TPST1: variants seen among roughly 807,000 people sequenced by gnomAD.
TPST1 encodes tyrosylprotein sulfotransferase 1, also known as protein-tyrosine sulfotransferase 1.
Under a neutral mutation model 34.8 loss-of-function variants are expected in TPST1, and 20 were observed. The observed-to-expected ratio is 0.57, with a 90% CI of 0.40 to 0.84. The LOEUF is 0.84. TPST1 is among the 40% of genes least tolerant of loss of function. The pLI, the probability that TPST1 is intolerant of heterozygous loss-of-function variation, is 0.00. For synonymous variants in TPST1, 152 were observed against 159.4 expected, an observed-to-expected ratio of 0.95 and a Z score of 0.35; for missense variants, 353 against 455.5, an observed-to-expected ratio of 0.78 and a Z score of 2.05.
intron 1 of TPST1, among the ~76,000 whole-genome samples, chr7:66,228,326 CTCTT>C (rs1789706887): frequency 1.3e-5 from 2 of 152,162 alleles, no homozygotes; most frequent in South Asian, 4.1e-4. Context: ...TTTTCTTGCT[CTCTT>C]TCAGCAAATC....
chr7:66,285,101 C>T (rs1791009192), intron 2 of TPST1, among the ~76,000 whole-genome samples: 1 of 152,146 alleles, frequency 6.6e-6, no homozygotes, highest in Non-Finnish European at 1.5e-5. Flanking sequence ...ACATACAAGA[C>T]TCTATGTGTG....
intron 3 of TPST1, among the ~76,000 whole-genome samples, chr7:66,298,585 C>CT (rs1440821499): frequency 6.6e-6 from 1 of 152,202 alleles, no homozygotes; most frequent in Non-Finnish European, 1.5e-5. Context: ...AGTTAATCCA[C>CT]TTACATTTAA....
chr7:66,308,112 A>G (rs986443837), intron 3 of TPST1, among the ~76,000 whole-genome samples: 4 of 152,204 alleles, frequency 2.6e-5, no homozygotes, highest in African/African-American at 9.6e-5. Context: ...AGTCATGTAC[A>G]CTGCTTCGAG....
intron 4 of TPST1, among the ~76,000 whole-genome samples, chr7:66,355,255 C>T (rs1469969541): frequency 1.3e-5 from 2 of 151,282 alleles, no homozygotes; most frequent in African/African-American, 2.4e-5. Flanking sequence ...GGCTGGATCA[C>T]GAGGGCAGGA....
At chr7:66,217,567 T>C (rs1244222877) in intron 1 of TPST1, among the ~76,000 whole-genome samples, 1 of 152,190 alleles carries the variant, frequency 6.6e-6, no homozygotes, top group Non-Finnish European at 1.5e-5. Flanking sequence ...GGTCTTTGAA[T>C]CTAACACATC....
intron 3 of TPST1, among the ~76,000 whole-genome samples, chr7:66,327,913 A>G (rs771655567): frequency 1.9e-4 from 29 of 151,560 alleles, no homozygotes; most frequent in Non-Finnish European, 1.0e-4. Flanking sequence ...GAGGTTAGCA[A>G]ATCACAGCCT....
intron 2 of TPST1, among the ~76,000 whole-genome samples, chr7:66,270,886 T>A (rs1032140544): frequency 1.3e-5 from 2 of 152,218 alleles, no homozygotes; most frequent in South Asian, 4.1e-4. Context: ...TTCATCAATT[T>A]GTTGACTATT....
In TPST1 at chr7:66,240,700, A is replaced by G. The variant is rs1392894948; in HGVS notation, c.275A>G (p.His92Arg). 2 of 1,614,194 alleles carry G rather than the reference A, an allele frequency of 1.2e-6. No homozygotes were observed. Among genetic ancestry groups the G allele is most frequent in the Non-Finnish European group, 1.7e-6 (2 of 1,180,038 alleles). The change falls in exon 2 of 6, where the codon CAT becomes CGT. Residue 92 changes from histidine (H) to arginine (R), a missense_variant. By Grantham distance (29) the His-to-Arg change is conservative. Coordinates refer to ENST00000304842, the MANE Select transcript of TPST1 (RefSeq NM_003596.4). The stretch of plus-strand genomic sequence containing the variant: ...CTCATGAGGGCCATGCTGGACGCAC[A>G]TCCTGACATTCGCTGTGGAGAGGAA... ...TTLMRAMLDA[H>R]PDIRCGEETR...
At chr7:66,325,498 C>T (rs1791846048) in intron 3 of TPST1, among the ~76,000 whole-genome samples, 1 of 151,824 alleles carries the variant, frequency 6.6e-6, no homozygotes, top group Non-Finnish European at 1.5e-5. Flanking sequence ...TTCCCCCCTC[C>T]CCCCAAGACA....
At chr7:66,220,570 G>A (rs534766292) in intron 1 of TPST1, among the ~76,000 whole-genome samples, 56 of 151,412 alleles carry the variant, frequency 3.7e-4, no homozygotes, top group African/African-American at 1.3e-3. Flanking sequence ...ATGAGTGAGA[G>A]TCATCAGGCA....
intron 2 of TPST1, among the ~76,000 whole-genome samples, chr7:66,278,609 C>A (rs1790868652): frequency 2.0e-5 from 3 of 152,114 alleles, no homozygotes; most frequent in Non-Finnish European, 4.4e-5. Flanking sequence ...ACGGTGAAAC[C>A]CCATTTCTAC....
At chr7:66,231,644 G>A (rs943270267) in intron 1 of TPST1, among the ~76,000 whole-genome samples, 7 of 152,218 alleles carry the variant, frequency 4.6e-5, no homozygotes, top group Admixed American at 6.5e-5. Flanking sequence ...TGCGGGGCCC[G>A]CCAAGTCCAC....
chr7:66,249,242 C>G lies in TPST1; in HGVS notation c.845+7972C>G, dbSNP rs543904916. On this transcript the variant is annotated intron_variant, in intron 2 of 5. Transcript: ENST00000304842. ...TTTTTTTTAAGATTTAAAATGTAAG[C>G]CTAGTTCAGAGTATTTTGCCAAGAT... is the stretch of plus-strand genomic sequence containing the variant. Among the ~76,000 whole-genome samples, 37 of 151,392 alleles carry G rather than the reference C, an allele frequency of 2.4e-4. No individual in the cohort carries two copies. The South Asian group carries it at 7.7e-3, about 32-fold the overall frequency.
chr7:66,333,570 T>G (rs1792037228), intron 3 of TPST1, among the ~76,000 whole-genome samples: 1 of 152,202 alleles, frequency 6.6e-6, no homozygotes, highest in Non-Finnish European at 1.5e-5. Flanking sequence ...TAAAAAATCT[T>G]TAGTCTTTTT....
chr7:66,312,422 A>G (rs1791548978), intron 3 of TPST1, among the ~76,000 whole-genome samples: 1 of 152,362 alleles, frequency 6.6e-6, no homozygotes, highest in East Asian at 1.9e-4. Flanking sequence ...CATGGTATTT[A>G]TAAATGAGAA....
intron 1 of TPST1, among the ~76,000 whole-genome samples, chr7:66,210,155 TTAGGTGTA>T (rs1267458104): frequency 3.9e-5 from 6 of 151,968 alleles, no homozygotes; most frequent in African/African-American, 1.5e-4. Context: ...GGAGAACTGG[TTAGGTGTA>T]TAGGTGAGAG....
chr7:66,250,884 C>G (rs1482748760), intron 2 of TPST1, among the ~76,000 whole-genome samples: 2 of 152,168 alleles, frequency 1.3e-5, no homozygotes, highest in African/African-American at 4.8e-5. Flanking sequence ...TACTAAGTGA[C>G]TAATGGTGGG....
At chr7:66,227,660 C>G (rs1371552879) in intron 1 of TPST1, among the ~76,000 whole-genome samples, 1 of 151,546 alleles carries the variant, frequency 6.6e-6, no homozygotes, top group Non-Finnish European at 1.5e-5. Flanking sequence ...GTGCAAGATG[C>G]TGGCAGTGGT....
chr7:66,320,494 G>T (rs184602922), intron 3 of TPST1, among the ~76,000 whole-genome samples: 2 of 151,786 alleles, frequency 1.3e-5, no homozygotes, highest in African/African-American at 2.4e-5. Flanking sequence ...TGATCTGCCC[G>T]CCTCGGCCTC....
Sources: gnomAD v4.1 joint callset for allele counts (sites outside exome capture counted in the v4.1 genomes callset) on GRCh38, gnomAD v4.1.1 for gene constraint, MANE v1.5 for transcripts, NCBI Gene and HGNC (gene_info 2026-07-23, HGNC 2026-07-21) for gene names.